The following CTBP2 variants were observed in gnomAD, a reference collection of about 807,000 sequenced individuals.
CTBP2 encodes C-terminal binding protein 2.
Under a neutral mutation model 80.3 loss-of-function variants are expected in CTBP2, and 30 were observed. That is an observed-to-expected ratio of 0.37 (90% confidence interval 0.28 to 0.51). CTBP2 has a LOEUF of 0.51. Among genes scored for constraint, CTBP2 ranks in the 20% least tolerant of loss-of-function variants. The pLI, the probability that CTBP2 is intolerant of heterozygous loss-of-function variation, is 0.93. For missense variants in CTBP2, 1,212 were observed against 1,375.3 expected (o/e 0.88, Z 1.88); for synonymous variants, 594 against 587.4 (o/e 1.01, Z -0.16).
At chr10:125,052,745 A>G (rs576840550) in intron 2 of CTBP2, among the ~76,000 whole-genome samples, 146 of 152,326 alleles carry the variant, frequency 9.6e-4, no homozygotes, top group African/African-American at 3.2e-3. Context: ...GGGGTCCACA[A>G]TCACAGGCAC....
intron 2 of CTBP2, among the ~76,000 whole-genome samples, chr10:125,046,403 T>C (rs1390721547): frequency 6.6e-6 from 1 of 151,816 alleles, no homozygotes; most frequent in Non-Finnish European, 1.5e-5. Context: ...CCAGGCATGG[T>C]GGTGCACGCC....
intron 1 of CTBP2, among the ~76,000 whole-genome samples, chr10:125,117,621 A>C (rs1336832546): frequency 1.3e-5 from 2 of 152,204 alleles, no homozygotes; most frequent in Non-Finnish European, 2.9e-5. Flanking sequence ...AACGTCTACC[A>C]AAGGGCTGAG....
intron 1 of CTBP2, among the ~76,000 whole-genome samples, chr10:125,013,072 G>A (rs529110898): frequency 6.6e-6 from 1 of 152,294 alleles, no homozygotes; most frequent in South Asian, 2.1e-4. Flanking sequence ...TGGGCCTTCT[G>A]TCTCGAGGGT....
chr10:125,029,845 G>A (rs978784901), upstream of CTBP2, among the ~76,000 whole-genome samples: 3 of 152,148 alleles, frequency 2.0e-5, no homozygotes, highest in African/African-American at 7.2e-5. Context: ...TGTTTACCCG[G>A]TAGCGCCTAA....
chr10:125,080,215 A>G (rs1001544902), intron 2 of CTBP2, among the ~76,000 whole-genome samples: 1 of 152,160 alleles, frequency 6.6e-6, no homozygotes, highest in African/African-American at 2.4e-5. Context: ...ATGCTTCCAT[A>G]TAACTTGACT....
chr10:125,005,980 G>C, intron 1 of CTBP2: 13 of 1,459,056 alleles, frequency 8.9e-6, no homozygotes, highest in Non-Finnish European at 1.2e-5. Flanking sequence ...CAGAGCCGCT[G>C]ATGCGTCTGG....
chr10:125,003,252 G>A (rs766930815), intron 2 of CTBP2, 86 bp downstream of exon 4: 36 of 1,585,476 alleles, frequency 2.3e-5, no homozygotes, highest in Non-Finnish European at 2.9e-5. Flanking sequence ...GGGCCTGCCG[G>A]TGACTTGGGG....
chr10:125,004,252 G>A (rs989597678), intron 1 of CTBP2, among the ~76,000 whole-genome samples: 10 of 152,178 alleles, frequency 6.6e-5, no homozygotes, highest in Non-Finnish European at 2.9e-5. Flanking sequence ...GCATCTAGAC[G>A]TTCAGCAGGG....
At chr10:125,019,724 A>C (rs542226942) in intron 1 of CTBP2, among the ~76,000 whole-genome samples, 1 of 152,364 alleles carries the variant, frequency 6.6e-6, no homozygotes, top group Admixed American at 6.5e-5. Context: ...CAACATAAGA[A>C]TATATCTTCA....
Position 124,989,217 on chromosome 10 carries a change from G to C in CTBP2, c.*301C>G. ...GGTGTTCAGGACCTGCTGTGCCCAA[G>C]GGACTGATAAAGGAAAAAGCTCTAT... On this transcript the variant is annotated 3_prime_UTR_variant, in exon 9 of 9. Coordinates refer to ENST00000309035, the MANE Select transcript of CTBP2 (RefSeq NM_022802.3). The C allele has an allele frequency of 2.6e-6, 1 of 379,904 alleles. No homozygotes were observed. The highest frequency in any genetic ancestry group is 5.0e-6 in the Non-Finnish European group (1 of 201,560). 23.5% of individuals were successfully genotyped at this position (379,904 alleles called of 1,614,324 possible).
chr10:125,021,846 G>C (rs750370772), intron 1 of CTBP2, among the ~76,000 whole-genome samples: 1 of 152,338 alleles, frequency 6.6e-6, no homozygotes, highest in African/African-American at 2.4e-5. Flanking sequence ...TGTGTTCAAT[G>C]TTTTGCTAGA....
chr10:125,028,069 C>T lies in CTBP2; in HGVS notation c.-310G>A. 2.6e-6 allele frequency: 1 copy of T among 389,804 alleles called. No individual in the cohort carries two copies. Among genetic ancestry groups the T allele is most frequent in the Non-Finnish European group, 4.2e-6 (1 of 235,792 alleles). The allele number at this position is 389,804 out of a possible 1,614,324, so 24.1% of individuals were successfully genotyped here. On this transcript the variant is annotated 5_prime_UTR_variant, in exon 1 of 9. Transcript: ENST00000309035. Reference sequence around the variant, plus strand: ...CAGGTCCCCCTTCCTGGCTGGTGTGCTCACATGGACCAGGGCTCTCTCAGC... The same window carrying T: ...CAGGTCCCCCTTCCTGGCTGGTGTGTTCACATGGACCAGGGCTCTCTCAGC...
intron 8 of CTBP2, among the ~76,000 whole-genome samples, chr10:124,990,921 C>T (rs763953829): frequency 2.0e-5 from 3 of 152,326 alleles, no homozygotes; most frequent in African/African-American, 2.4e-5. Context: ...TCCAGAACTG[C>T]GAGCAAGGCA....
chr10:125,160,949 G>A (rs1452458633), upstream of CTBP2: 2 of 150,824 alleles, frequency 1.3e-5, no homozygotes, highest in Non-Finnish European at 3.0e-5. Flanking sequence ...GGAAAACGGA[G>A]AGAAAAGGAA....
At position 125,026,255 on chromosome 10, in the gene CTBP2, AGCGGAGAG is replaced by A; in HGVS notation, c.1497_1504del (p.Ser500AlafsTer99). Reference sequence around the variant, plus strand: ...CTGGGGGCTGCCGTGAGGGCTGGGCAGCGGAGAGGCGGCCACGTTGCGCTCCCTCTTTA... The same window carrying A: ...CTGGGGGCTGCCGTGAGGGCTGGGCAGCGGCCACGTTGCGCTCCCTCTTTA... On this transcript the variant is annotated frameshift_variant, in exon 1 of 9. Coordinates refer to ENST00000309035, the MANE Select transcript of CTBP2 (RefSeq NM_022802.3). LOFTEE classifies it high-confidence loss of function. 6.2e-7 allele frequency: 1 copy of A among 1,613,878 alleles called. No individual in the cohort carries two copies. Among genetic ancestry groups the A allele is most frequent in the Non-Finnish European group, 8.5e-7 (1 of 1,179,944 alleles).
At chr10:125,085,085 C>T (rs767026793) in intron 2 of CTBP2, among the ~76,000 whole-genome samples, 18 of 152,146 alleles carry the variant, frequency 1.2e-4, no homozygotes, top group East Asian at 1.9e-4. Flanking sequence ...CATGGGACTG[C>T]GACAGAAATT....
intron 1 of CTBP2, among the ~76,000 whole-genome samples, chr10:125,022,034 G>A (rs980364643): frequency 5.9e-5 from 9 of 152,216 alleles, no homozygotes; most frequent in African/African-American, 2.2e-4. Flanking sequence ...GAAAAGAGAC[G>A]CCACAGGGAG....
chr10:125,115,996 T>C (rs74163339), intron 1 of CTBP2, among the ~76,000 whole-genome samples: 14,926 of 152,022 alleles, frequency 0.098, 1,017 homozygotes, highest in African/African-American at 0.18. Context: ...AGATGCAACA[T>C]CAACTATGAC....
At chr10:125,155,637 G>A (rs1053530513) in intron 1 of CTBP2, among the ~76,000 whole-genome samples, 1 of 150,812 alleles carries the variant, frequency 6.6e-6, no homozygotes, top group Non-Finnish European at 1.5e-5. Context: ...TGGTTCTTAA[G>A]TTTTTAGCAA....
Sources: gnomAD v4.1 joint callset for allele counts (sites outside exome capture counted in the v4.1 genomes callset) on GRCh38, gnomAD v4.1.1 for gene constraint, MANE v1.5 for transcripts, NCBI Gene and HGNC (gene_info 2026-07-23, HGNC 2026-07-21) for gene names.